The following SH3BP1 variants were observed in gnomAD, a reference collection of about 807,000 sequenced individuals.
The protein encoded by SH3BP1 is SH3 domain-binding protein 1.
SH3BP1 carries 46 observed loss-of-function variants against 69.8 expected under a neutral mutation model. That is an observed-to-expected ratio of 0.66 (90% CI 0.52 to 0.84). The LOEUF is 0.84. Ranked by LOEUF, SH3BP1 falls within the 40% of genes least tolerant of loss-of-function variation. The pLI, the probability that SH3BP1 is intolerant of heterozygous loss-of-function variation, is 0.00. For missense variants in SH3BP1, 868 were observed against 930.9 expected, an observed-to-expected ratio of 0.93 and a Z score of 0.88; for synonymous variants, 403 against 378.0, an observed-to-expected ratio of 1.07 and a Z score of -0.77.
chr22:37,642,082 C>T (rs1932616664), intron 3 of SH3BP1: 1 of 183,874 alleles, frequency 5.4e-6, no homozygotes, highest in Non-Finnish European at 1.2e-5. Context: ...GAGTGTGGGG[C>T]CATGTTTTGG....
Position 37,641,107 on chromosome 22 carries a change from C to G in SH3BP1, c.60-19C>G, listed in dbSNP as rs749310028. On this transcript the variant is annotated intron_variant, in intron 1 of 17. Coordinates refer to ENST00000649765, the MANE Select transcript of SH3BP1 (RefSeq NM_018957.6). ...CTCAGCAGAAGCACTCTCCCCCCCC[C>G]CCCCACCACTCCCCGCAGCACCCCG... is the stretch of plus-strand genomic sequence containing the variant. 299 of 1,363,286 alleles carry G rather than the reference C, an allele frequency of 2.2e-4. 5 individuals are homozygous for G. Among genetic ancestry groups the G allele is most frequent in the East Asian group, 2.0e-3 (80 of 40,106 alleles). 84.4% of individuals were successfully genotyped at this position (1,363,286 alleles called of 1,614,324 possible). A position where few individuals can be genotyped will look rare whatever the true frequency, so the allele number is the denominator to read the frequency against.
Position 37,653,831 on chromosome 22 carries a change from C to T in SH3BP1, c.1651C>T (p.Pro551Ser), listed in dbSNP as rs373477637. ...AGCCTCCCCCAAGGTCACCAGGAGTCCCCCGGAGACAGCTGCCCCAGTGGA... is the reference window on the plus strand; with the variant it reads ...AGCCTCCCCCAAGGTCACCAGGAGTTCCCCGGAGACAGCTGCCCCAGTGGA... ...RPASPKVTRS[P>S]PETAAPVEDM... Residue 551 changes from proline (P) to serine (S), a missense_variant, in exon 17 of 18, where the codon CCC (proline) becomes TCC (serine). Pro to Ser is a moderately conservative substitution (Grantham distance 74). Coordinates refer to ENST00000649765, the MANE Select transcript of SH3BP1 (RefSeq NM_018957.6). The T allele has an allele frequency of 1.9e-6, 3 of 1,613,762 alleles. No individual in the cohort carries two copies. Among genetic ancestry groups the T allele is most frequent in the South Asian group, 2.2e-5 (2 of 91,026 alleles).
rs199858687 is a variant in SH3BP1 at position 37,651,785 on chromosome 22, G to GGA, written c.1598+1071_1598+1072dup. Among the ~76,000 whole-genome samples, 50 of 152,052 alleles carry GGA rather than the reference G, an allele frequency of 3.3e-4. No individual in the cohort carries two copies. In the East Asian group the frequency reaches 9.3e-3, roughly 28 times the overall value. On this transcript the variant is annotated intron_variant, in intron 16 of 17. Coordinates refer to ENST00000649765, the MANE Select transcript of SH3BP1 (RefSeq NM_018957.6). ...CAAATGCTCACATTTCAGGGCACAGGGAGAGAGAGAGACAGCATCAAGCAC... is the reference window on the plus strand; with the variant it reads ...CAAATGCTCACATTTCAGGGCACAGGGAGAGAGAGAGAGACAGCATCAAGCAC...
rs1932510841 is a variant in SH3BP1 at position 37,639,741 on chromosome 22, GC to G, written c.-44del. ...GCAGGCTGGACCGGGGGCTCCCCGG[GC>G]CCGCGACCCCCGCCGTGACCCCGCA... On this transcript the variant is annotated 5_prime_UTR_variant, in exon 1 of 18. Coordinates refer to ENST00000649765, the MANE Select transcript of SH3BP1 (RefSeq NM_018957.6). 7.8e-7 allele frequency: 1 copy of G among 1,286,432 alleles called. No homozygotes were observed. Among genetic ancestry groups the G allele is most frequent in the Non-Finnish European group, 1.1e-6 (1 of 951,828 alleles). The allele number at this position is 1,286,432 out of a possible 1,614,324, so 79.7% of individuals were successfully genotyped here. A position where few individuals can be genotyped will look rare whatever the true frequency, so the allele number is the denominator to read the frequency against.
At chr22:37,642,846 GGAGGT>G (rs1932651637) in intron 4 of SH3BP1, 44 bp from the exon 5 acceptor site, 2 of 1,595,606 alleles carry the variant, frequency 1.3e-6, no homozygotes, top group Non-Finnish European at 1.7e-6. Flanking sequence ...TGTTTCCAGT[GGAGGT>G]GAGGGCAGCG....
In SH3BP1 at chr22:37,641,393, C is replaced by G. The variant is rs745514928; in HGVS notation, c.122C>G (p.Pro41Arg). Reference sequence around the variant, plus strand: ...TCCCAGGTAGAACAGCGGCTGGAGCCGGCCAAGCGGGCAGCCCACAACATC... The same window carrying G: ...TCCCAGGTAGAACAGCGGCTGGAGCGGGCCAAGCGGGCAGCCCACAACATC... The part of the protein sequence containing the change: ...DLLQVEQRLE[P>R]AKRAAHNIHK... The change falls in exon 3 of 18, where the codon CCG (proline) becomes CGG (arginine). Residue 41 changes from proline (P) to arginine (R), a missense_variant. Around this residue, in one of 3 missense-constraint regions of SH3BP1, gnomAD observed 387 missense variants for 447.9 expected, o/e 0.86. Coordinates refer to ENST00000649765, the MANE Select transcript of SH3BP1 (RefSeq NM_018957.6). The G allele has an allele frequency of 1.3e-6, 2 of 1,550,792 alleles. No homozygotes were observed. The highest frequency in any genetic ancestry group is 1.7e-6 in the Non-Finnish European group (2 of 1,147,028).
intron 16 of SH3BP1, among the ~76,000 whole-genome samples, chr22:37,650,985 A>G (rs1201888081): frequency 6.6e-6 from 1 of 152,070 alleles, no homozygotes; most frequent in Admixed American, 6.6e-5. Context: ...TTCCAGTCCT[A>G]GGGAACTCAA....
chr22:37,645,897 C>T (rs1474196283), intron 10 of SH3BP1, among the ~76,000 whole-genome samples: 1 of 152,036 alleles, frequency 6.6e-6, no homozygotes, highest in Non-Finnish European at 1.5e-5. Context: ...GTGGCAGATA[C>T]CCCAAAACAG....
chr22:37,647,036 C>T, intron 11 of SH3BP1, 107 bp downstream of exon 11: 1 of 804,496 alleles, frequency 1.2e-6, no homozygotes, highest in Non-Finnish European at 1.9e-6. Flanking sequence ...TCTGTTGAGA[C>T]TGAGGACACT....
chr22:37,643,024 T>C lies in SH3BP1; in HGVS notation c.396+18T>C. ...TGAGTGAGGTGAGCCTGTGCCCTGC[T>C]TTCAGCCCCCAGCTTCCCCAGCTTC... On this transcript the variant is annotated intron_variant, in intron 5 of 17. Transcript: ENST00000649765. 1.2e-6 allele frequency: 2 copies of C among 1,611,114 alleles called. No individual in the cohort carries two copies. The highest frequency in any genetic ancestry group is 1.7e-6 in the Non-Finnish European group (2 of 1,178,184).
At chr22:37,651,910 G>T (rs1932887097) in intron 16 of SH3BP1, among the ~76,000 whole-genome samples, 1 of 151,914 alleles carries the variant, frequency 6.6e-6, no homozygotes, top group Non-Finnish European at 1.5e-5. Flanking sequence ...TAGCTGTGGG[G>T]CCAGGAAAGA....
rs139152994 is a variant in SH3BP1, at chr22:37,640,947, T to C, written c.60-179T>C. 1,336 of 617,308 alleles carry C rather than the reference T, an allele frequency of 2.2e-3. 9 individuals carry two copies. In the African/African-American group the frequency reaches 0.023, roughly 10 times the overall value. The allele number at this position is 617,308 out of a possible 1,614,324, so 38.2% of individuals were successfully genotyped here. On this transcript the variant is annotated intron_variant, in intron 1 of 17. Transcript: ENST00000649765. ...CCCATGTATCCTATTCCCACCCCCA[T>C]GGAATGTGCTCCGACTGGGATGAAG...
chr22:37,655,027 G>A (rs2146078247), intron 17 of SH3BP1, among the ~76,000 whole-genome samples: 1 of 152,162 alleles, frequency 6.6e-6, no homozygotes, highest in East Asian at 1.9e-4. Context: ...AAATACATCT[G>A]GAAAATGTGA....
rs1487361312 is a variant in SH3BP1, at chr22:37,649,656, C to T, written c.1317-496C>T. Among the ~76,000 whole-genome samples the T allele has an allele frequency of 3.3e-5, 5 of 152,140 alleles. 1 individual carries two copies. In the South Asian group the frequency reaches 6.2e-4, roughly 19 times the overall value. Reference sequence around the variant, plus strand: ...AAAATTATCTGGGCGTGGTGGTACGCGCCTGTAATCCCAGCTACTCGGGAG... The same window carrying T: ...AAAATTATCTGGGCGTGGTGGTACGTGCCTGTAATCCCAGCTACTCGGGAG... On this transcript the variant is annotated intron_variant, in intron 14 of 17. Transcript: ENST00000649765.
chr22:37,640,992 A>G (rs1364986593), intron 1 of SH3BP1, 134 bp from the exon 2 acceptor site: 1 of 686,482 alleles, frequency 1.5e-6, no homozygotes, highest in African/African-American at 1.8e-5. Context: ...CACCCAGGGC[A>G]GGCCTCAGCT....
Position 37,644,679 on chromosome 22 carries a change from G to A in SH3BP1, c.661G>A (p.Asp221Asn), listed in dbSNP as rs1292434496. ...CCTGTACCACTTTGTTACCAAGGAG[G>A]ACTCCTATGCCAACTACTTCATTCG... Reference protein sequence around the residue: ...ADLYHFVTKEDSYANYFIRLL... With the variant: ...ADLYHFVTKENSYANYFIRLL... Residue 221 changes from aspartate (D) to asparagine (N), a missense_variant, in exon 8 of 18, where the codon GAC becomes AAC. Asp to Asn is a conservative substitution (Grantham distance 23). Coordinates refer to ENST00000649765, the MANE Select transcript of SH3BP1 (RefSeq NM_018957.6). The A allele has an allele frequency of 1.2e-6, 2 of 1,614,246 alleles. No individual in the cohort carries two copies. The highest frequency in any genetic ancestry group is 2.2e-5 in the South Asian group (2 of 91,088).
At chr22:37,653,695 A>C in intron 16 of SH3BP1, 84 bp from the exon 17 acceptor site, 1 of 902,514 alleles carries the variant, frequency 1.1e-6, no homozygotes. Flanking sequence ...TCCGGACTCC[A>C]CCTGGCAGCT....
In SH3BP1 at chr22:37,646,965, G is replaced by T. The variant is rs145479470; in HGVS notation, c.1036+36G>T. 5.0e-5 allele frequency: 70 copies of T among 1,397,868 alleles called. 1 individual carries two copies. Among genetic ancestry groups the T allele is most frequent in the Middle Eastern group, 1.9e-4 (1 of 5,360 alleles). 86.6% of individuals were successfully genotyped at this position (1,397,868 alleles called of 1,614,324 possible). The stretch of plus-strand genomic sequence containing the variant: ...CGGGGAGCCCTGGGCAGGAGGTTGG[G>T]GGGGAGGGGGTGCAGTGGCTTGAAA... On this transcript the variant is annotated intron_variant, in intron 11 of 17. Transcript: ENST00000649765.
chr22:37,648,042 C>T (rs1245324816), intron 13 of SH3BP1, among the ~76,000 whole-genome samples: 3 of 152,228 alleles, frequency 2.0e-5, no homozygotes, highest in Non-Finnish European at 4.4e-5. Context: ...GAAGCCATAC[C>T]GCCTGGCTTC....
Sources: allele counts gnomAD v4.1 joint callset (sites outside exome capture counted in the v4.1 genomes callset), GRCh38; gene constraint gnomAD v4.1.1; regional missense constraint gnomAD v4.1.1; transcripts MANE v1.5; gene names NCBI Gene and HGNC (gene_info 2026-07-23, HGNC 2026-07-21).